The following CRIM1 variants were observed in gnomAD, a reference collection of about 807,000 sequenced individuals.
CRIM1 encodes cysteine-rich motor neuron 1 protein.
A neutral mutation model predicts 116.4 loss-of-function variants in CRIM1; 32 were observed. The observed-to-expected ratio is 0.27, with a 90% confidence interval of 0.21 to 0.37. CRIM1 has a LOEUF of 0.37. Among genes scored for constraint, CRIM1 ranks in the 10% least tolerant of loss-of-function variants. The pLI is 1.00. For missense variants in CRIM1, 1,331 were observed against 1,354.8 expected (o/e 0.98, Z 0.28); for synonymous variants, 590 against 509.2 (o/e 1.16, Z -2.13).
Position 36,548,678 on chromosome 2 carries a change from G to A in CRIM1, c.3088G>A (p.Asp1030Asn). The change falls in exon 17 of 17, where the codon GAC (aspartate) becomes AAC (asparagine). Residue 1030 changes from aspartate (D) to asparagine (N), a missense_variant. This residue lies in a region of CRIM1 where 283 missense variants were observed against 242.8 expected (regional missense o/e 1.17). Coordinates refer to ENST00000280527, the MANE Select transcript of CRIM1 (RefSeq NM_016441.3). Reference sequence around the variant, plus strand: ...GCAAAAACAGAACCATCTACAGGCAGACAATTTCTACCAAACAGTGTGAAG... The same window carrying A: ...GCAAAAACAGAACCATCTACAGGCAAACAATTTCTACCAAACAGTGTGAAG... The part of the protein sequence containing the change: ...SMQKQNHLQA[D>N]NFYQTV 1 of 1,597,152 alleles carries A rather than the reference G, an allele frequency of 6.3e-7. No homozygotes were observed. The highest frequency in any genetic ancestry group is 8.5e-7 in the Non-Finnish European group (1 of 1,174,988).
intron 13 of CRIM1, among the ~76,000 whole-genome samples, chr2:36,530,692 C>T (rs78747953): frequency 0.033 from 5,083 of 152,302 alleles, 115 homozygotes; most frequent in African/African-American, 0.071. Flanking sequence ...TACCGCTCCC[C>T]TTTCTAAATC....
intron 1 of CRIM1, among the ~76,000 whole-genome samples, chr2:36,391,311 G>C (rs1457677342): frequency 6.6e-6 from 1 of 151,342 alleles, no homozygotes; most frequent in African/African-American, 2.4e-5. Context: ...TGTATTTTTA[G>C]TGGAGATGGG....
chr2:36,407,994 A>G (rs1572664050), intron 2 of CRIM1, among the ~76,000 whole-genome samples: 1 of 152,140 alleles, frequency 6.6e-6, no homozygotes, highest in Admixed American at 6.5e-5. Context: ...AGATGTGCCT[A>G]GTTCAAGCAC....
chr2:36,548,447 G>A (rs1362990084), intron 16 of CRIM1, 78 bp from the exon 17 acceptor site: 2 of 1,039,652 alleles, frequency 1.9e-6, no homozygotes, highest in African/African-American at 1.6e-5. Flanking sequence ...ACCTGAGTTA[G>A]GTACTAAATT....
intron 4 of CRIM1, among the ~76,000 whole-genome samples, chr2:36,461,411 G>A (rs1252122492): frequency 6.6e-6 from 1 of 152,186 alleles, no homozygotes; most frequent in African/African-American, 2.4e-5. Flanking sequence ...GAGAAAGAAT[G>A]TGGTGAGGAC....
At chr2:36,386,115 C>T (rs554639499) in intron 1 of CRIM1, among the ~76,000 whole-genome samples, 2 of 152,308 alleles carry the variant, frequency 1.3e-5, no homozygotes, top group South Asian at 2.1e-4. Context: ...TTCTGGTTTA[C>T]TCTTGGTGAT....
chr2:36,435,819 T>C (rs1675268457), intron 2 of CRIM1, among the ~76,000 whole-genome samples: 1 of 152,094 alleles, frequency 6.6e-6, no homozygotes, highest in African/African-American at 2.4e-5. Context: ...AATATTTTAA[T>C]ACTAACTTCT....
intron 8 of CRIM1, among the ~76,000 whole-genome samples, chr2:36,509,043 T>G (rs1224048503): frequency 1.3e-5 from 2 of 152,198 alleles, no homozygotes; most frequent in Admixed American, 6.5e-5. Context: ...GGGGTATTTG[T>G]CAGCACATAG....
chr2:36,462,026 A>G (rs984208351), intron 4 of CRIM1, among the ~76,000 whole-genome samples: 16 of 152,174 alleles, frequency 1.1e-4, no homozygotes, highest in African/African-American at 3.6e-4. Flanking sequence ...TTTGCAGGGA[A>G]GGAAACAAGG....
Position 36,513,592 on chromosome 2 carries a change from G to A in CRIM1, c.1817G>A (p.Gly606Asp), listed in dbSNP as rs771230971. 1 of 1,614,160 alleles carries A rather than the reference G, an allele frequency of 6.2e-7. No homozygotes were observed. ...TCAGCTGGGCCACCCATCCTGTCGG[G>A]CACTTGTCTCACCGTGGATGGTCAT... is the stretch of plus-strand genomic sequence containing the variant. ...SASAGPPILS[G>D]TCLTVDGHHH... Residue 606 changes from glycine (G) to aspartate (D), a missense_variant, in exon 11 of 17, where the codon GGC becomes GAC. Coordinates refer to ENST00000280527, the MANE Select transcript of CRIM1 (RefSeq NM_016441.3).
intron 5 of CRIM1, among the ~76,000 whole-genome samples, chr2:36,474,516 A>C (rs1678803722): frequency 6.6e-6 from 1 of 152,148 alleles, no homozygotes; most frequent in South Asian, 2.1e-4. Context: ...GGTGTGAGGC[A>C]TAGGGTTTTC....
At chr2:36,421,567 T>G (rs578251056) in intron 2 of CRIM1, among the ~76,000 whole-genome samples, 3 of 152,206 alleles carry the variant, frequency 2.0e-5, no homozygotes, top group Non-Finnish European at 4.4e-5. Flanking sequence ...TGCCCTAGCT[T>G]ACTCAGGGAA....
chr2:36,382,486 A>T (rs1670856122), intron 1 of CRIM1, among the ~76,000 whole-genome samples: 1 of 79,494 alleles, frequency 1.3e-5, no homozygotes. Context: ...GTCTGAAGCA[A>T]GGGTGCTAAT....
Position 36,464,485 on chromosome 2 carries a change from A to C in CRIM1, c.870-49A>C, listed in dbSNP as rs1359098816. On this transcript the variant is annotated intron_variant, in intron 4 of 16. Coordinates refer to ENST00000280527, the MANE Select transcript of CRIM1 (RefSeq NM_016441.3). ...CTTTGTTTGTGGTCTCCCGACTTCTATGTTGTTGTTTATTCATGGGGTTTT... is the reference window on the plus strand; with the variant it reads ...CTTTGTTTGTGGTCTCCCGACTTCTCTGTTGTTGTTTATTCATGGGGTTTT... 3.1e-6 allele frequency: 5 copies of C among 1,609,198 alleles called. No individual in the cohort carries two copies. The East Asian group carries it at 6.7e-5, about 22-fold the overall frequency.
intron 2 of CRIM1, among the ~76,000 whole-genome samples, chr2:36,427,798 A>G (rs1319209055): frequency 2.0e-5 from 3 of 152,136 alleles, no homozygotes; most frequent in African/African-American, 4.8e-5. Context: ...GTACAGACAG[A>G]TTGCCCTTGT....
At chr2:36,532,648 G>A (rs1318082758) in intron 13 of CRIM1, among the ~76,000 whole-genome samples, 3 of 152,190 alleles carry the variant, frequency 2.0e-5, no homozygotes, top group African/African-American at 7.2e-5. Flanking sequence ...CCCTCCACAG[G>A]TTATCCGGCT....
At chr2:36,413,952 A>G (rs1292922409) in intron 2 of CRIM1, among the ~76,000 whole-genome samples, 1 of 152,244 alleles carries the variant, frequency 6.6e-6, no homozygotes, top group African/African-American at 2.4e-5. Context: ...TTTTCCATTA[A>G]TTAAAAAATA....
intron 8 of CRIM1, among the ~76,000 whole-genome samples, chr2:36,503,853 T>G (rs926538987): frequency 6.6e-6 from 1 of 152,124 alleles, no homozygotes; most frequent in Non-Finnish European, 1.5e-5. Context: ...TCTTAAGGAT[T>G]AGGCCTAGTT....
At chr2:36,478,050 G>A (rs755085736) in intron 6 of CRIM1, among the ~76,000 whole-genome samples, 1 of 152,084 alleles carries the variant, frequency 6.6e-6, no homozygotes, top group East Asian at 1.9e-4. Flanking sequence ...ACACAAAGTG[G>A]GAGGGCACAG....
Sources: allele counts gnomAD v4.1 joint callset (sites outside exome capture counted in the v4.1 genomes callset), GRCh38; gene constraint gnomAD v4.1.1; regional missense constraint gnomAD v4.1.1; transcripts MANE v1.5; gene names NCBI Gene and HGNC (gene_info 2026-07-23, HGNC 2026-07-21).